CACNA1F: variants seen among roughly 807,000 people sequenced by gnomAD.
The protein encoded by CACNA1F is calcium voltage-gated channel subunit alpha1 F.
In CACNA1F, 59 loss-of-function variants were observed where a neutral mutation model predicts 143.8. That is an observed-to-expected ratio of 0.41 (90% CI 0.33 to 0.51). The LOEUF is 0.51. Among genes scored for constraint, CACNA1F ranks in the 20% least tolerant of loss-of-function variants. The pLI, the probability that CACNA1F is intolerant of heterozygous loss-of-function variation, is 0.22. For synonymous variants in CACNA1F, 643 were observed against 649.1 expected (o/e 0.99, Z 0.14); for missense variants, 1,411 against 1,647.5 (o/e 0.86, Z 2.48).
intron 1 of CACNA1F, 77 bp from the exon 2 acceptor site, chrX:49,232,004 CTGTT>C: frequency 2.0e-6 from 2 of 1,012,411 alleles, no homozygotes; most frequent in Non-Finnish European, 2.6e-6. Context: ...TCCTGTCCCT[CTGTT>C]TGAAGGAAGG....
At chrX:49,205,902 AG>A in intron 46 of CACNA1F, 89 bp from the exon 47 acceptor site, 1 of 802,911 alleles carries the variant, frequency 1.2e-6, no homozygotes, top group African/African-American at 2.0e-5. Flanking sequence ...TCTTTCCCTC[AG>A]TATACAACTG....
At position 49,214,260 on chromosome X, in the gene CACNA1F, G is replaced by T. The variant is rs782781746; in HGVS notation, c.3607C>A (p.Gln1203Lys). ...ATGGCATAGTTGAAGGGAGCAGTCT[G>T]CTCATAGTGCTGCAGGAGAAAATCA... is the stretch of plus-strand genomic sequence containing the variant. ...TVALAMQHYE[Q>K]TAPFNYAMDI... The change falls in exon 30 of 48, where the codon CAG becomes AAG. Residue 1203 changes from glutamine to lysine, a missense_variant. Around this residue, in one of 3 missense-constraint regions of CACNA1F, gnomAD observed 950 missense variants for 1,128.1 expected, o/e 0.84. Coordinates refer to ENST00000323022, the MANE Select transcript of CACNA1F (RefSeq NM_001256789.3). The T allele has an allele frequency of 3.1e-5, 35 of 1,144,213 alleles. No homozygotes were observed. The allele number at this position is 1,144,213 out of a possible 1,213,427, so 94.3% of individuals were successfully genotyped here.
At position 49,215,559 on chromosome X, in the gene CACNA1F, G is replaced by T. The variant is rs190434065; in HGVS notation, c.3237-16C>A. On this transcript the variant is annotated splice_polypyrimidine_tract_variant and intron_variant, in intron 27 of 47. Coordinates refer to ENST00000323022, the MANE Select transcript of CACNA1F (RefSeq NM_001256789.3). ...GTATAGCAGTCTGTGGGAGCCAGAGGGGGGGTAGAGGTGGGGGCAGGTGAG... is the reference window on the plus strand; with the variant it reads ...GTATAGCAGTCTGTGGGAGCCAGAGTGGGGGTAGAGGTGGGGGCAGGTGAG... 115 of 1,087,275 alleles carry T rather than the reference G, an allele frequency of 1.1e-4. 1 individual carries two copies. The highest frequency in any genetic ancestry group is 1.6e-4 in the South Asian group (8 of 51,532). 89.6% of individuals were successfully genotyped at this position (1,087,275 alleles called of 1,213,427 possible).
Position 49,205,362 on chromosome X carries a change from A to G in CACNA1F, c.5676T>C (p.Leu1892=). 8.4e-7 allele frequency: 1 copy of G among 1,185,583 alleles called. No homozygotes were observed. The highest frequency in any genetic ancestry group is 1.1e-6 in the Non-Finnish European group (1 of 875,291). The change falls in exon 48 of 48, where the codon CTT becomes CTC. Residue 1892 remains leucine (L), a synonymous_variant. Transcript: ENST00000323022. ...GSADSLVEAV[L]ISEGLGLFAR... ...CAAAGAGGCCCAGACCCTCTGAGAT[A>G]AGCACCTGGGGGCACAGGTGGGATC... is the stretch of plus-strand genomic sequence containing the variant.
rs1557104723 is a variant in CACNA1F, at chrX:49,205,738, C to T, written c.5548G>A (p.Gly1850Arg). 6.6e-6 allele frequency: 8 copies of T among 1,203,564 alleles called. No individual in the cohort carries two copies. The highest frequency in any genetic ancestry group is 7.9e-6 in the Non-Finnish European group (7 of 891,384). ...CTGGATCTGCCGAGGTACCCCTCCCCCGCTGCGCCCTCTTCCACCAACAAC... is the reference window on the plus strand; with the variant it reads ...CTGGATCTGCCGAGGTACCCCTCCCTCGCTGCGCCCTCTTCCACCAACAAC... Reference protein sequence around the residue: ...PLLLVEEGAAGEGYLGRSSGP... With the variant: ...PLLLVEEGAAREGYLGRSSGP... Residue 1850 changes from glycine to arginine, a missense_variant, in exon 47 of 48, where the codon GGG (glycine) becomes AGG (arginine). Transcript: ENST00000323022.
In CACNA1F at chrX:49,215,461, T is replaced by C; in HGVS notation, c.3319A>G (p.Ile1107Val). The C allele has an allele frequency of 3.3e-6, 4 of 1,195,485 alleles. No homozygotes were observed. Among genetic ancestry groups the C allele is most frequent in the Non-Finnish European group, 4.5e-6 (4 of 885,477 alleles). Residue 1107 changes from isoleucine (I) to valine (V), a missense_variant, in exon 28 of 48, where the codon ATT becomes GTT. Coordinates refer to ENST00000323022, the MANE Select transcript of CACNA1F (RefSeq NM_001256789.3). ...AACGCAATGATGATGATGTAGACAA[T>C]GAAGAACACTGAGATCTCCACACGG... ...NYRVEISVFF[I>V]VYIIIIAFFM... is the part of the protein sequence containing the mutation.
At position 49,209,343 on chromosome X, in the gene CACNA1F, G is replaced by T; in HGVS notation, c.4872C>A (p.Leu1624=). 1 of 1,208,572 alleles carries T rather than the reference G, an allele frequency of 8.3e-7. No homozygotes were observed. The highest frequency in any genetic ancestry group is 1.1e-6 in the Non-Finnish European group (1 of 893,190). ...CTTCCTCCTCCTCTGTGTCACAGGT[G>T]AGGGCCTGCCGCATCTCAGGACCCA... ...QDLGPEMRQA[L]TCDTEEEEEE... Residue 1624 remains leucine, a synonymous_variant, in exon 42 of 48, where the codon CTC becomes CTA. Transcript: ENST00000323022.
chrX:49,210,820 A>G (rs2065650619), intron 37 of CACNA1F, 134 bp from the exon 38 acceptor site: 5 of 837,930 alleles, frequency 6.0e-6, no homozygotes, highest in Non-Finnish European at 8.7e-6. Context: ...GGGCAGTCAG[A>G]GAGGGCAGAG....
At chrX:49,211,199 A>G in intron 36 of CACNA1F, 107 bp from the exon 37 acceptor site, 2 of 1,098,321 alleles carry the variant, frequency 1.8e-6, no homozygotes, top group Non-Finnish European at 2.5e-6. Flanking sequence ...CTCTGGGTTG[A>G]TCTTGTCATC....
chrX:49,220,807 G>A (rs985143559), intron 18 of CACNA1F, among the ~76,000 whole-genome samples: 2 of 111,759 alleles, frequency 1.8e-5, no homozygotes, highest in South Asian at 3.8e-4. Flanking sequence ...GTGTGGTGGC[G>A]CATGCCTGTA....
intron 18 of CACNA1F, 148 bp downstream of exon 18, chrX:49,220,887 C>T (rs1557108610): frequency 7.2e-5 from 39 of 541,799 alleles, no homozygotes; most frequent in South Asian, 6.6e-4. Context: ...TGCAGTGAGC[C>T]GAGATGGCAC....
At position 49,218,489 on chromosome X, in the gene CACNA1F, G is replaced by A. The variant is rs1557107977; in HGVS notation, c.2894C>T (p.Pro965Leu). The change falls in exon 24 of 48, where the codon CCC (proline) becomes CTC (leucine). Residue 965 changes from proline (P) to leucine (L), a missense_variant. Pro to Leu is a moderately conservative substitution (Grantham distance 98). Around this residue, in one of 3 missense-constraint regions of CACNA1F, gnomAD observed 950 missense variants for 1,128.1 expected, o/e 0.84. Coordinates refer to ENST00000323022, the MANE Select transcript of CACNA1F (RefSeq NM_001256789.3). ...KILRVLRVLR[P>L]LRAINRAKGL... Reference sequence around the variant, plus strand: ...CTTGGCCCTGTTGATGGCTCGGAGGGGCCGCAGTACTCGGAGTACTCGCAG... The same window carrying A: ...CTTGGCCCTGTTGATGGCTCGGAGGAGCCGCAGTACTCGGAGTACTCGCAG... 3 of 1,182,480 alleles carry A rather than the reference G, an allele frequency of 2.5e-6. No homozygotes were observed. The African/African-American group carries it at 5.4e-5, about 21-fold the overall frequency.
chrX:49,208,876 A>G, intron 42 of CACNA1F, 192 bp from the exon 43 acceptor site: 2 of 468,707 alleles, frequency 4.3e-6, no homozygotes, highest in South Asian at 6.1e-5. Flanking sequence ...ACCAGGCGGG[A>G]GTGCAGTGGC....
At chrX:49,232,912 AG>A (rs2065891144) in intron 1 of CACNA1F, among the ~76,000 whole-genome samples, 1 of 110,106 alleles carries the variant, frequency 9.1e-6, no homozygotes, top group African/African-American at 3.3e-5. Context: ...GGTTGAGGTT[AG>A]GTCACTTTAG....
chrX:49,206,445 A>T, intron 46 of CACNA1F, 66 bp downstream of exon 46: 1 of 641,088 alleles, frequency 1.6e-6, no homozygotes, highest in Non-Finnish European at 2.6e-6. Context: ...TGTGTTTGAG[A>T]AATTCAGCCT....
At chrX:49,219,606 C>T (rs1557108346) in intron 20 of CACNA1F, 28 bp downstream of exon 20, 2 of 1,188,434 alleles carry the variant, frequency 1.7e-6, no homozygotes, top group South Asian at 1.9e-5. Flanking sequence ...CCCCTCCTGC[C>T]TCACCCCCTG....
intron 47 of CACNA1F, 55 bp downstream of exon 47, chrX:49,205,561 C>T (rs1557104639): frequency 6.3e-6 from 7 of 1,105,292 alleles, no homozygotes; most frequent in Non-Finnish European, 6.2e-6. Context: ...TCCTCCAGTA[C>T]CCACCTCCTC....
Position 49,205,692 on chromosome X carries a change from G to A in CACNA1F, c.5594C>T (p.Thr1865Ile). 1 of 1,204,980 alleles carries A rather than the reference G, an allele frequency of 8.3e-7. No homozygotes were observed. The highest frequency in any genetic ancestry group is 1.1e-6 in the Non-Finnish European group (1 of 891,927). ...GTGGGTTCCAGGCACGTGCAGACAGGTGAAGGTGCGCAGTGGGCCACTGGA... is the reference window on the plus strand; with the variant it reads ...GTGGGTTCCAGGCACGTGCAGACAGATGAAGGTGCGCAGTGGGCCACTGGA... ...GRSSGPLRTF[T>I]CLHVPGTHSD... is the part of the protein sequence containing the mutation. Residue 1865 changes from threonine to isoleucine, a missense_variant, in exon 47 of 48, where the codon ACC becomes ATC. Transcript: ENST00000323022.
At chrX:49,208,371 C>T (rs782413162) in intron 43 of CACNA1F, 144 bp downstream of exon 43, 74 of 526,449 alleles carry the variant, frequency 1.4e-4, no homozygotes, top group Middle Eastern at 1.0e-3. Flanking sequence ...GCCCTTGAAA[C>T]ACCTCCATTC....
Sources: allele counts gnomAD v4.1 joint callset (sites outside exome capture counted in the v4.1 genomes callset), GRCh38; gene constraint gnomAD v4.1.1; regional missense constraint gnomAD v4.1.1; transcripts MANE v1.5; gene names NCBI Gene and HGNC (gene_info 2026-07-23, HGNC 2026-07-21).